Variants in PRRC2C observed in about 807,000 individuals in gnomAD.
PRRC2C encodes the protein protein PRRC2C.
PRRC2C carries 72 observed loss-of-function variants against 317.2 expected under a neutral mutation model. The observed-to-expected ratio is 0.23, with a 90% CI of 0.19 to 0.28. PRRC2C has a LOEUF of 0.28. Ranked by LOEUF, PRRC2C falls within the 10% of genes least tolerant of loss-of-function variation. PRRC2C has a pLI of 1.00. For synonymous variants in PRRC2C, 1,296 were observed against 1,205.9 expected (o/e 1.07, Z -1.55); for missense variants, 3,074 against 3,459.7 (o/e 0.89, Z 2.80).
chr1:171,550,111 T>G lies in PRRC2C; in HGVS notation c.4998T>G (p.Pro1666=). Reference sequence around the variant, plus strand: ...GTGTTGTTATAATTGATGATCATCCTGAAGTAACAGTAATTGAAGATCCCC... The same window carrying G: ...GTGTTGTTATAATTGATGATCATCCGGAAGTAACAGTAATTGAAGATCCCC... ...YASVVIIDDH[P]EVTVIEDPQS... The change falls in exon 18 of 35, where the codon CCT becomes CCG. Residue 1666 remains proline, a synonymous_variant. Transcript: ENST00000647382. 1.2e-6 allele frequency: 2 copies of G among 1,607,054 alleles called. No individual in the cohort carries two copies. Among genetic ancestry groups the G allele is most frequent in the Non-Finnish European group, 1.7e-6 (2 of 1,176,626 alleles).
intron 25 of PRRC2C, 29 bp from the exon 26 acceptor site, chr1:171,577,405 T>C: frequency 6.6e-7 from 1 of 1,524,720 alleles, no homozygotes; most frequent in Non-Finnish European, 9.0e-7. Flanking sequence ...ATGCTCTATT[T>C]TCCCCTTTAT....
At chr1:171,513,357 G>T (rs932573251) in intron 3 of PRRC2C, 185 bp downstream of exon 3, 3 of 740,024 alleles carry the variant, frequency 4.1e-6, no homozygotes, top group African/African-American at 1.8e-5. Context: ...ATTTCAATTT[G>T]TCAGGGTAGA....
At chr1:171,508,252 C>T (rs998164972) in intron 1 of PRRC2C, among the ~76,000 whole-genome samples, 4 of 152,012 alleles carry the variant, frequency 2.6e-5, no homozygotes, top group African/African-American at 9.7e-5. Context: ...AGGTTTTTCC[C>T]ATTGATTTTG....
At chr1:171,505,945 A>G (rs1670094935) in intron 1 of PRRC2C, among the ~76,000 whole-genome samples, 1 of 152,236 alleles carries the variant, frequency 6.6e-6, no homozygotes, top group South Asian at 2.1e-4. Context: ...CGTTGTGTAC[A>G]GTATTCAGTA....
intron 10 of PRRC2C, among the ~76,000 whole-genome samples, chr1:171,525,326 T>C (rs1415371203): frequency 2.6e-5 from 4 of 152,182 alleles, no homozygotes; most frequent in Non-Finnish European, 5.9e-5. Context: ...TTTGTGTGAA[T>C]GGTACACTAT....
Position 171,542,204 on chromosome 1 carries a change from C to T in PRRC2C, c.4738C>T (p.Pro1580Ser), listed in dbSNP as rs1449105618. Residue 1580 changes from proline (P) to serine (S), a missense_variant, in exon 16 of 35, where the codon CCA becomes TCA. Pro to Ser is a moderately conservative substitution (Grantham distance 74, BLOSUM62 -1). Coordinates refer to ENST00000647382, the MANE Select transcript of PRRC2C (RefSeq NM_001387844.1). ...SGPRNERRSG[P>S]PSKSGKRGPF... ...TCCTAGAAATGAAAGGAGAAGTGGC[C>T]CACCATCAAAAAGTGGGAAGAGAGG... 1.9e-6 allele frequency: 3 copies of T among 1,566,436 alleles called. No homozygotes were observed. Among genetic ancestry groups the T allele is most frequent in the Non-Finnish European group, 2.6e-6 (3 of 1,160,322 alleles).
chr1:171,511,522 G>A (rs1220231916), intron 1 of PRRC2C: 1 of 152,126 alleles, frequency 6.6e-6, no homozygotes, highest in Non-Finnish European at 1.5e-5. Context: ...TTTGTGAGAT[G>A]TTTTACCTTT....
intron 1 of PRRC2C, chr1:171,509,844 C>CTTTTTTTTT (rs11363110): frequency 5.0e-4 from 30 of 59,764 alleles, no homozygotes; most frequent in Non-Finnish European, 6.0e-4. Context: ...AACATTGTTT[C>CTTTTTTTTT]TTTTTTTTTT....
intron 24 of PRRC2C, 98 bp downstream of exon 24, chr1:171,571,519 T>A: frequency 1.2e-6 from 1 of 850,998 alleles, no homozygotes; most frequent in Non-Finnish European, 1.9e-6. Flanking sequence ...ATTTATGTGG[T>A]AAGCAACAAT....
rs1222672082 is a variant in PRRC2C, at chr1:171,584,438, A to G, written c.7661A>G (p.Gln2554Arg). The change falls in exon 30 of 35, where the codon CAG becomes CGG. Residue 2554 changes from glutamine to arginine, a missense_variant. Physicochemically the swap from Gln to Arg is conservative, Grantham distance 43. Transcript: ENST00000647382. ...TTCTAGGCCAGAGCAAATCTTACCC[A>G]GGCCTCAAATCTTTATTCTGGACAA... The part of the protein sequence containing the change: ...HLLQARANLT[Q>R]ASNLYSGQVQ... 2 of 1,580,420 alleles carry G rather than the reference A, an allele frequency of 1.3e-6. No individual in the cohort carries two copies. The highest frequency in any genetic ancestry group is 1.7e-6 in the Non-Finnish European group (2 of 1,163,784).
rs758872310 is a variant in PRRC2C, at chr1:171,575,131, A to G, written c.6955+3A>G. ...CACTCCTACAGCATCACTATCAGGT[A>G]GAACTTTTTCGTTCTGTTTCTTTAA... On this transcript the variant is annotated splice_donor_region_variant and intron_variant, in intron 25 of 34. Transcript: ENST00000647382. 30 of 1,610,324 alleles carry G rather than the reference A, an allele frequency of 1.9e-5. No homozygotes were observed. Among genetic ancestry groups the G allele is most frequent in the Non-Finnish European group, 2.5e-5 (29 of 1,177,800 alleles).
rs758574187 is a variant in PRRC2C at position 171,540,233 on chromosome 1, C to G, written c.2767C>G (p.Arg923Gly). 9 of 1,613,690 alleles carry G rather than the reference C, an allele frequency of 5.6e-6. No homozygotes were observed. The highest frequency in any genetic ancestry group is 7.6e-6 in the Non-Finnish European group (9 of 1,179,872). The change falls in exon 16 of 35, where the codon CGG (arginine) becomes GGG (glycine). Residue 923 changes from arginine to glycine, a missense_variant. Transcript: ENST00000647382. ...RISAVESQPS[R>G]KRSVSHGSNH... is the part of the protein sequence containing the mutation. ...TTCAGCTGTAGAAAGTCAGCCTTCC[C>G]GGAAAAGAAGTGTTTCCCATGGATC...
chr1:171,572,736 T>G (rs1684999311), intron 24 of PRRC2C, among the ~76,000 whole-genome samples: 1 of 152,218 alleles, frequency 6.6e-6, no homozygotes, highest in South Asian at 2.1e-4. Context: ...AGGTAAATAA[T>G]CTAATTTCAC....
chr1:171,557,664 C>A lies in PRRC2C; in HGVS notation c.5552C>A (p.Thr1851Asn). 6.4e-7 allele frequency: 1 copy of A among 1,551,580 alleles called. No homozygotes were observed. The highest frequency in any genetic ancestry group is 8.7e-7 in the Non-Finnish European group (1 of 1,146,968). The change falls in exon 19 of 35, where the codon ACC becomes AAC. Residue 1851 changes from threonine (T) to asparagine (N), a missense_variant. By Grantham distance (65) the Thr-to-Asn change is moderately conservative. This residue lies in a region of PRRC2C where 640 missense variants were observed against 676.1 expected (regional missense o/e 0.95). Coordinates refer to ENST00000647382, the MANE Select transcript of PRRC2C (RefSeq NM_001387844.1). Reference protein sequence around the residue: ...APTPILASVSTPASVTILASA... With the variant: ...APTPILASVSNPASVTILASA... The stretch of plus-strand genomic sequence containing the variant: ...ACCCCCATCCTTGCCTCAGTTTCAA[C>A]CCCAGCTTCTGTCACCATTCTTGCC...
At chr1:171,543,304 C>T (rs372782060) in intron 16 of PRRC2C, among the ~76,000 whole-genome samples, 1 of 141,340 alleles carries the variant, frequency 7.1e-6, no homozygotes, top group East Asian at 2.1e-4. Context: ...GCCTGGGCCA[C>T]AGAGCGAGAC....
rs1261273220 is a variant in PRRC2C at position 171,566,378 on chromosome 1, A to G, written c.6263A>G (p.Gln2088Arg). 1.4e-5 allele frequency: 23 copies of G among 1,589,458 alleles called. No individual in the cohort carries two copies. Among genetic ancestry groups the G allele is most frequent in the Non-Finnish European group, 1.9e-5 (22 of 1,167,866 alleles). ...GACAAAATACCTGAACCTAAAGAAC[A>G]GCGGCAGAAGCAGCCACGAGCAGGA... ...SADKIPEPKE[Q>R]RQKQPRAGPI... The change falls in exon 21 of 35, where the codon CAG becomes CGG. Residue 2088 changes from glutamine (Q) to arginine (R), a missense_variant. Physicochemically the swap from Gln to Arg is conservative, Grantham distance 43 (BLOSUM62 1). Around this residue, in one of 11 missense-constraint regions of PRRC2C, gnomAD observed 640 missense variants for 676.1 expected, o/e 0.95. Transcript: ENST00000647382.
At chr1:171,580,370 A>C (rs1239305928) in intron 28 of PRRC2C, among the ~76,000 whole-genome samples, 1 of 152,214 alleles carries the variant, frequency 6.6e-6, no homozygotes, top group East Asian at 1.9e-4. Flanking sequence ...AATATAACAG[A>C]ACAGAGAGGG....
chr1:171,559,951 A>G (rs1682341604), intron 19 of PRRC2C, among the ~76,000 whole-genome samples: 1 of 152,198 alleles, frequency 6.6e-6, no homozygotes, highest in Non-Finnish European at 1.5e-5. Context: ...GAAGATATAC[A>G]GGAAGATTTA....
chr1:171,583,656 G>C (rs560314378), intron 28 of PRRC2C, among the ~76,000 whole-genome samples: 1 of 152,292 alleles, frequency 6.6e-6, no homozygotes, highest in African/African-American at 2.4e-5. Flanking sequence ...GTAACTGTAT[G>C]TACTGAACTG....
Sources: allele counts gnomAD v4.1 joint callset (sites outside exome capture counted in the v4.1 genomes callset), GRCh38; gene constraint gnomAD v4.1.1; regional missense constraint gnomAD v4.1.1; transcripts MANE v1.5; gene names NCBI Gene and HGNC (gene_info 2026-07-23, HGNC 2026-07-21).